Variants in HS3ST4 observed in about 807,000 individuals in gnomAD.
HS3ST4 encodes heparan sulfate glucosamine 3-O-sulfotransferase 4.
Under a neutral mutation model 29.2 loss-of-function variants are expected in HS3ST4, and 17 were observed. That is an observed-to-expected ratio of 0.58 (90% CI 0.40 to 0.87). The LOEUF (loss-of-function observed/expected upper bound fraction) is 0.87. HS3ST4 is among the 40% of genes least tolerant of loss of function. HS3ST4 has a pLI of 0.00. For synonymous variants in HS3ST4, 314 were observed against 285.7 expected (o/e 1.10, Z -1.00); for missense variants, 627 against 634.5 (o/e 0.99, Z 0.13).
At chr16:26,106,926 A>G (rs1899064922) in intron 1 of HS3ST4, among the ~76,000 whole-genome samples, 1 of 152,096 alleles carries the variant, frequency 6.6e-6, no homozygotes. Flanking sequence ...CTGATATTTC[A>G]CATCAGCATG....
At chr16:25,999,071 A>C (rs1401153789) in intron 1 of HS3ST4, among the ~76,000 whole-genome samples, 2 of 151,970 alleles carry the variant, frequency 1.3e-5, no homozygotes, top group Non-Finnish European at 2.9e-5. Context: ...TTCTTCTGTC[A>C]GTTCTGATTA....
chr16:25,890,653 C>A (rs4787779), intron 1 of HS3ST4, among the ~76,000 whole-genome samples: 83,233 of 152,042 alleles, frequency 0.55, 24,259 homozygotes, highest in East Asian at 0.89. Flanking sequence ...TCAGTCTTCC[C>A]AGATCTGACC....
chr16:25,920,277 A>C (rs1055946826), intron 1 of HS3ST4, among the ~76,000 whole-genome samples: 2 of 152,152 alleles, frequency 1.3e-5, no homozygotes, highest in Non-Finnish European at 2.9e-5. Context: ...TCGATCCCTT[A>C]CAGGTAAGTT....
chr16:26,034,928 AG>A (rs1969569478), intron 1 of HS3ST4, among the ~76,000 whole-genome samples: 1 of 152,182 alleles, frequency 6.6e-6, no homozygotes. Context: ...TCTTGCAGTG[AG>A]CCATGATCAC....
intron 1 of HS3ST4, among the ~76,000 whole-genome samples, chr16:25,957,160 G>T (rs1233978047): frequency 6.6e-6 from 1 of 152,092 alleles, no homozygotes; most frequent in Non-Finnish European, 1.5e-5. Flanking sequence ...TTTGCGGTCA[G>T]GGCTGGCCAC....
intron 1 of HS3ST4, among the ~76,000 whole-genome samples, chr16:25,801,978 C>CTTTTTT: frequency 1.5e-5 from 2 of 137,248 alleles, no homozygotes; most frequent in Non-Finnish European, 1.6e-5. Flanking sequence ...CAAATATTTT[C>CTTTTTT]TTTTTTTTTT....
intron 1 of HS3ST4, among the ~76,000 whole-genome samples, chr16:26,086,229 C>A (rs992800015): frequency 5.3e-5 from 8 of 152,028 alleles, no homozygotes; most frequent in African/African-American, 1.9e-4. Flanking sequence ...ATTTTATAGT[C>A]CTTATAAATA....
chr16:26,005,722 T>G (rs1969251892), intron 1 of HS3ST4, among the ~76,000 whole-genome samples: 1 of 151,132 alleles, frequency 6.6e-6, no homozygotes, highest in African/African-American at 2.4e-5. Context: ...TAGAGAAGAT[T>G]TTACTGTGTG....
At chr16:25,840,629 A>G (rs1394157694) in intron 1 of HS3ST4, among the ~76,000 whole-genome samples, 3 of 152,210 alleles carry the variant, frequency 2.0e-5, no homozygotes, top group African/African-American at 7.2e-5. Context: ...AGGGCATTTT[A>G]CAATGGATCA....
At chr16:25,711,058 A>G (rs2141584859) in intron 1 of HS3ST4, among the ~76,000 whole-genome samples, 1 of 152,002 alleles carries the variant, frequency 6.6e-6, no homozygotes, top group East Asian at 1.9e-4. Flanking sequence ...CCTGGCCTCA[A>G]GCGATCTTCT....
At position 25,752,513 on chromosome 16, in the gene HS3ST4, A is replaced by G. The variant is rs572059160; in HGVS notation, c.734+59362A>G. 3.4e-4 allele frequency among the ~76,000 whole-genome samples: 51 copies of G among 152,074 alleles called. 2 individuals are homozygous for G. The South Asian group carries it at 9.2e-3, about 27-fold the overall frequency. On this transcript the variant is annotated intron_variant, in intron 1 of 1. Transcript: ENST00000331351. ...TATAGGCAAATTTAAAAGAGGGAGG[A>G]AAAAAAAGGCAACAAAGGGCATTGC...
At chr16:25,895,385 A>G (rs770531760) in intron 1 of HS3ST4, among the ~76,000 whole-genome samples, 8 of 152,198 alleles carry the variant, frequency 5.3e-5, no homozygotes, top group Non-Finnish European at 7.3e-5. Context: ...TGTTTTGGTC[A>G]TGGGCAGTGA....
chr16:25,833,671 A>G (rs1967328907), intron 1 of HS3ST4, among the ~76,000 whole-genome samples: 1 of 152,184 alleles, frequency 6.6e-6, no homozygotes, highest in Non-Finnish European at 1.5e-5. Context: ...GTAGAAACTG[A>G]TAGATGTACA....
intron 1 of HS3ST4, among the ~76,000 whole-genome samples, chr16:25,717,510 G>GGT (rs763190199): frequency 0.2 from 27,183 of 132,600 alleles, 2,491 homozygotes; most frequent in East Asian, 0.31. Flanking sequence ...AAGGTGAAGG[G>GGT]GTGTGTGTGT....
chr16:26,134,473 C>G (rs987095664), intron 1 of HS3ST4, among the ~76,000 whole-genome samples: 1 of 150,858 alleles, frequency 6.6e-6, no homozygotes, highest in Non-Finnish European at 1.5e-5. Flanking sequence ...AGTGATTTTC[C>G]TGCCTCAGCC....
intron 1 of HS3ST4, among the ~76,000 whole-genome samples, chr16:26,012,758 A>G (rs1311816709): frequency 2.6e-5 from 4 of 152,212 alleles, no homozygotes; most frequent in Admixed American, 2.6e-4. Context: ...CAGGTGTTTG[A>G]TAAATGCTCA....
chr16:25,935,663 T>G (rs2141689654), intron 1 of HS3ST4, among the ~76,000 whole-genome samples: 1 of 152,326 alleles, frequency 6.6e-6, no homozygotes, highest in African/African-American at 2.4e-5. Flanking sequence ...TCCTTTTTAG[T>G]GCTGAATAAT....
intron 1 of HS3ST4, among the ~76,000 whole-genome samples, chr16:25,761,798 G>A (rs1009805583): frequency 5.3e-5 from 8 of 152,198 alleles, no homozygotes; most frequent in Non-Finnish European, 1.0e-4. Flanking sequence ...TAACAGAGGG[G>A]TTGCCACGTG....
At chr16:26,021,906 C>T (rs1457820468) in intron 1 of HS3ST4, among the ~76,000 whole-genome samples, 1 of 151,940 alleles carries the variant, frequency 6.6e-6, no homozygotes, top group African/African-American at 2.4e-5. Context: ...TCGTGATCTG[C>T]CCACCTTGGC....
Sources: gnomAD v4.1 joint callset for allele counts (sites outside exome capture counted in the v4.1 genomes callset) on GRCh38, gnomAD v4.1.1 for gene constraint, MANE v1.5 for transcripts, NCBI Gene and HGNC (gene_info 2026-07-23, HGNC 2026-07-21) for gene names.